Variants in ROR1 observed in about 807,000 individuals in gnomAD.
ROR1 encodes the protein inactive tyrosine-protein kinase transmembrane receptor ROR1.
ROR1 carries 19 observed loss-of-function variants against 78.8 expected under a neutral mutation model. The observed-to-expected ratio is 0.24, with a 90% CI of 0.17 to 0.35. ROR1 has a LOEUF of 0.35. Ranked by LOEUF, ROR1 falls within the 10% of genes least tolerant of loss-of-function variation. The pLI is 1.00. For synonymous variants in ROR1, 386 were observed against 433.6 expected (o/e 0.89, Z 1.36); for missense variants, 917 against 1,177.8 (o/e 0.78, Z 3.24).
chr1:63,943,381 C>T (rs1409034921), intron 1 of ROR1, among the ~76,000 whole-genome samples: 1 of 152,138 alleles, frequency 6.6e-6, no homozygotes, highest in Non-Finnish European at 1.5e-5. Context: ...CTCAAATTAC[C>T]CTTCCCAGGT....
chr1:63,843,856 G>T (rs1645064139), intron 1 of ROR1, among the ~76,000 whole-genome samples: 2 of 152,148 alleles, frequency 1.3e-5, no homozygotes, highest in Non-Finnish European at 2.9e-5. Flanking sequence ...CTAACTCTGG[G>T]TGGGTCCCTC....
chr1:63,915,529 T>G (rs1244429838), intron 1 of ROR1, among the ~76,000 whole-genome samples: 1 of 152,054 alleles, frequency 6.6e-6, no homozygotes, highest in Non-Finnish European at 1.5e-5. Context: ...AAGAGTGCAA[T>G]GGAGAGAAGG....
At position 64,126,555 on chromosome 1, in the gene ROR1, ATAT is replaced by A. The variant is rs532178580; in HGVS notation, c.483-10810_483-10808del. Among the ~76,000 whole-genome samples, 440 of 152,302 alleles carry A rather than the reference ATAT, an allele frequency of 2.9e-3. 1 individual carries two copies. Among genetic ancestry groups the A allele is most frequent in the Non-Finnish European group, 5.3e-3 (359 of 68,020 alleles). ...ATAAAAGGTTAGAATTGGAAAGAAC[ATAT>A]TATACAGTTCAACTTCCATATTATA... On this transcript the variant is annotated intron_variant, in intron 4 of 8. Transcript: ENST00000371079.
intron 1 of ROR1, among the ~76,000 whole-genome samples, chr1:63,934,747 G>A (rs1411892108): frequency 6.6e-6 from 1 of 152,140 alleles, no homozygotes; most frequent in African/African-American, 2.4e-5. Flanking sequence ...TCAGGGTCTT[G>A]AGGGACAGAC....
In ROR1 at chr1:64,178,063, T is replaced by C. The variant is rs763300566; in HGVS notation, c.2022T>C (p.Asp674=). 9 of 1,614,210 alleles carry C rather than the reference T, an allele frequency of 5.6e-6. No homozygotes were observed. The East Asian group carries it at 1.8e-4, about 32-fold the overall frequency. Residue 674 remains aspartate, a synonymous_variant, in exon 9 of 9, where the codon GAT becomes GAC. Coordinates refer to ENST00000371079, the MANE Select transcript of ROR1 (RefSeq NM_005012.4). This position sits in a 1 kb window ranked among gnomAD's most constrained non-coding sequence, Gnocchi z 4.3. ...IMYGKFSSDS[D]IWSFGVVLWE... is the part of the protein sequence containing the mutation. ...ATGGCAAATTCTCTTCTGATTCAGA[T>C]ATCTGGTCCTTTGGGGTTGTCTTGT...
chr1:64,125,612 G>C (rs1648684532), intron 4 of ROR1, among the ~76,000 whole-genome samples: 1 of 152,152 alleles, frequency 6.6e-6, no homozygotes. Context: ...GTTAATCAGT[G>C]GGAGAGGTGG....
Position 64,178,549 on chromosome 1 carries a change from C to T in ROR1, c.2508C>T (p.Tyr836=). 6.2e-7 allele frequency: 1 copy of T among 1,614,196 alleles called. No homozygotes were observed. Among genetic ancestry groups the T allele is most frequent in the Non-Finnish European group, 8.5e-7 (1 of 1,180,040 alleles). ...PGYAAFPAAH[Y]QPTGPPRVIQ... is the part of the protein sequence containing the mutation. ...ATGCAGCGTTTCCAGCTGCCCACTA[C>T]CAGCCAACAGGTCCTCCCAGAGTGA... Residue 836 remains tyrosine, a synonymous_variant, in exon 9 of 9, where the codon TAC becomes TAT. Coordinates refer to ENST00000371079, the MANE Select transcript of ROR1 (RefSeq NM_005012.4). The surrounding 1 kb of genome is among the most constrained non-coding windows in gnomAD (Gnocchi z 4.3).
Position 63,779,090 on chromosome 1 carries a change from T to C in ROR1, c.91+4582T>C, listed in dbSNP as rs1011593898. Among the ~76,000 whole-genome samples the C allele has an allele frequency of 2.2e-4, 34 of 152,324 alleles. 3 individuals carry two copies. The highest frequency in any genetic ancestry group is 1.8e-3 in the Admixed American group (27 of 15,300). On this transcript the variant is annotated intron_variant, in intron 1 of 8. Transcript: ENST00000371079. ...AGACGGTCTTGCTGAAACTCAGAGA[T>C]AGACTGGAAGCACCTTGTTGGATGG...
intron 1 of ROR1, among the ~76,000 whole-genome samples, chr1:63,979,604 G>GTCTT (rs1646191442): frequency 6.6e-6 from 1 of 152,148 alleles, no homozygotes; most frequent in South Asian, 2.1e-4. Flanking sequence ...CTGGCCTTCA[G>GTCTT]TCTTCTTTGG....
At chr1:64,086,522 A>G (rs972749403) in intron 4 of ROR1, among the ~76,000 whole-genome samples, 4 of 152,210 alleles carry the variant, frequency 2.6e-5, no homozygotes, top group Admixed American at 1.3e-4. Context: ...TCCAATAACC[A>G]TCCTCTCTTC....
intron 2 of ROR1, among the ~76,000 whole-genome samples, chr1:64,049,008 T>C (rs1242411536): frequency 1.3e-5 from 2 of 152,168 alleles, no homozygotes; most frequent in East Asian, 3.8e-4. Flanking sequence ...ACTGTATAAC[T>C]AAGATCTGTA....
chr1:63,963,384 A>G (rs1475787341), intron 1 of ROR1, among the ~76,000 whole-genome samples: 2 of 152,046 alleles, frequency 1.3e-5, no homozygotes, highest in African/African-American at 2.4e-5. Flanking sequence ...CCTGACCAAC[A>G]TGGTGAAACC....
chr1:64,104,427 T>C (rs751195703), intron 4 of ROR1, among the ~76,000 whole-genome samples: 1 of 152,160 alleles, frequency 6.6e-6, no homozygotes, highest in Non-Finnish European at 1.5e-5. Flanking sequence ...CCCAGTCCTC[T>C]ACTAATCAAT....
intron 2 of ROR1, among the ~76,000 whole-genome samples, chr1:64,026,325 C>G (rs1646609326): frequency 6.6e-6 from 1 of 152,056 alleles, no homozygotes. Context: ...AATGGGGGTT[C>G]AAAAATTACT....
chr1:63,962,141 T>C (rs1048920113), intron 1 of ROR1, among the ~76,000 whole-genome samples: 4 of 152,102 alleles, frequency 2.6e-5, no homozygotes, highest in Non-Finnish European at 5.9e-5. Context: ...GCATCTATAG[T>C]CCCAGCTACT....
intron 4 of ROR1, among the ~76,000 whole-genome samples, chr1:64,133,070 T>G (rs936895718): frequency 6.6e-6 from 1 of 152,074 alleles, no homozygotes; most frequent in African/African-American, 2.4e-5. Flanking sequence ...TGTGGAATGG[T>G]TTGATGAAAG....
chr1:63,980,792 C>G (rs1187869452), intron 1 of ROR1, among the ~76,000 whole-genome samples: 1 of 152,242 alleles, frequency 6.6e-6, no homozygotes, highest in African/African-American at 2.4e-5. Flanking sequence ...TGGCCCTAGT[C>G]ACACTGGGCC....
chr1:64,162,325 T>C (rs901965432), intron 8 of ROR1, among the ~76,000 whole-genome samples: 4 of 152,198 alleles, frequency 2.6e-5, no homozygotes, highest in Non-Finnish European at 5.9e-5. Flanking sequence ...AAGAGGCTCC[T>C]GTGGGAGATT....
intron 1 of ROR1, among the ~76,000 whole-genome samples, chr1:63,976,758 C>G (rs996453111): frequency 6.6e-6 from 1 of 151,982 alleles, no homozygotes; most frequent in African/African-American, 2.4e-5. Flanking sequence ...AAATCTTGGG[C>G]CAGAAGTGTT....
Sources: allele counts gnomAD v4.1 joint callset (sites outside exome capture counted in the v4.1 genomes callset), GRCh38; gene constraint gnomAD v4.1.1; non-coding constraint Gnocchi (gnomAD v3.1); transcripts MANE v1.5; gene names NCBI Gene and HGNC (gene_info 2026-07-23, HGNC 2026-07-21).